The following ZFHX3 variants were observed in gnomAD, a reference collection of about 807,000 sequenced individuals.
ZFHX3 encodes zinc finger homeobox protein 3.
Under a neutral mutation model 279.1 loss-of-function variants are expected in ZFHX3, and 42 were observed. That is an observed-to-expected ratio of 0.15 (90% CI 0.12 to 0.19). The LOEUF (loss-of-function observed/expected upper bound fraction) is 0.19, where lower values mean the gene tolerates loss of function less well. Among genes scored for constraint, ZFHX3 ranks in the 10% least tolerant of loss-of-function variants. ZFHX3 has a pLI of 1.00. For synonymous variants in ZFHX3, 2,293 were observed against 1,957.8 expected, an observed-to-expected ratio of 1.17 and a Z score of -4.52; for missense variants, 4,981 against 4,754.0, an observed-to-expected ratio of 1.05 and a Z score of -1.40.
intron 3 of ZFHX3, among the ~76,000 whole-genome samples, chr16:73,373,113 T>A (rs1322450487): frequency 1.4e-5 from 2 of 141,358 alleles, no homozygotes; most frequent in Non-Finnish European, 3.0e-5. Context: ...CCTGGGGACT[T>A]ATATTTGTGG....
intron 1 of ZFHX3, among the ~76,000 whole-genome samples, chr16:73,730,863 C>G (rs147214063): frequency 8.1e-4 from 124 of 152,298 alleles, no homozygotes; most frequent in African/African-American, 2.8e-3. Context: ...CAGCTCTACA[C>G]AGCCTCACAG....
At chr16:73,321,062 G>T (rs2015565031) in intron 3 of ZFHX3, among the ~76,000 whole-genome samples, 1 of 152,198 alleles carries the variant, frequency 6.6e-6, no homozygotes, top group African/African-American at 2.4e-5. Flanking sequence ...AGAAAAGGGG[G>T]AAGGCACAGT....
Position 72,838,433 on chromosome 16 carries a change from T to G in ZFHX3, c.3449-8574A>C, listed in dbSNP as rs182606405. Among the ~76,000 whole-genome samples, 5 of 152,252 alleles carry G rather than the reference T, an allele frequency of 3.3e-5. No homozygotes were observed. In the East Asian group the frequency reaches 9.7e-4, roughly 29 times the overall value. On this transcript the variant is annotated intron_variant, in intron 4 of 9. Transcript: ENST00000268489. Reference sequence around the variant, plus strand: ...GCCTGGGGGAGCCTCTCCATTTGCCTTTTTACTTTACCTCACCTCCAACTT... The same window carrying G: ...GCCTGGGGGAGCCTCTCCATTTGCCGTTTTACTTTACCTCACCTCCAACTT...
chr16:72,784,967 T>G lies in ZFHX3; in HGVS notation c.*2197A>C, dbSNP rs776388541. 3.3e-5 allele frequency: 5 copies of G among 152,538 alleles called. No individual in the cohort carries two copies. The highest frequency in any genetic ancestry group is 7.2e-5 in the African/African-American group (3 of 41,452). 9.4% of individuals were successfully genotyped at this position (152,538 alleles called of 1,614,324 possible). On this transcript the variant is annotated 3_prime_UTR_variant, in exon 10 of 10. Coordinates refer to ENST00000268489, the MANE Select transcript of ZFHX3 (RefSeq NM_006885.4). ...TTCAGATCTTGGAATGCTCCAGTCT[T>G]TTGCAAAGTCGATGAGTGGCTTCAG... is the stretch of plus-strand genomic sequence containing the variant.
intron 3 of ZFHX3, among the ~76,000 whole-genome samples, chr16:73,349,345 A>G (rs567415292): frequency 7.9e-5 from 12 of 152,278 alleles, no homozygotes; most frequent in African/African-American, 2.2e-4. Context: ...ACCTGATCAG[A>G]AGAATTACCT....
intron 1 of ZFHX3, among the ~76,000 whole-genome samples, chr16:73,045,701 G>T (rs1965270818): frequency 7.1e-6 from 1 of 141,028 alleles, no homozygotes; most frequent in Admixed American, 7.4e-5. Flanking sequence ...GTTAGCAAGT[G>T]TTTCTCAATA....
At chr16:73,270,860 G>T (rs1345607612) in intron 4 of ZFHX3, among the ~76,000 whole-genome samples, 1 of 152,188 alleles carries the variant, frequency 6.6e-6, no homozygotes. Context: ...AGTGTTCTAG[G>T]TATGGAGGGG....
intron 4 of ZFHX3, among the ~76,000 whole-genome samples, chr16:72,832,738 C>T (rs1055642382): frequency 1.3e-5 from 2 of 151,702 alleles, no homozygotes; most frequent in East Asian, 3.9e-4. Context: ...CTACAGGTGT[C>T]GCCCTCCGCA....
intron 8 of ZFHX3, among the ~76,000 whole-genome samples, chr16:73,092,152 G>A (rs990905261): frequency 2.6e-5 from 4 of 152,162 alleles, no homozygotes; most frequent in Admixed American, 6.5e-5. Flanking sequence ...CCAAGAACAC[G>A]CAGCTAGTGC....
chr16:73,718,165 C>T (rs897984490), intron 1 of ZFHX3, among the ~76,000 whole-genome samples: 1 of 152,222 alleles, frequency 6.6e-6, no homozygotes, highest in Non-Finnish European at 1.5e-5. Flanking sequence ...AATCCCAACA[C>T]TTTGGGAAGC....
At chr16:73,170,592 G>T (rs1967498703) in intron 5 of ZFHX3, among the ~76,000 whole-genome samples, 1 of 152,164 alleles carries the variant, frequency 6.6e-6, no homozygotes, top group African/African-American at 2.4e-5. Flanking sequence ...GGCCAGCTGG[G>T]AAGAAGCGGA....
At chr16:73,733,108 A>T (rs200830054) in intron 1 of ZFHX3, among the ~76,000 whole-genome samples, 2 of 152,108 alleles carry the variant, frequency 1.3e-5, no homozygotes, top group East Asian at 1.9e-4. Context: ...TTGAAATAAA[A>T]TTTAAGTTCT....
At chr16:73,798,058 C>T (rs1451372005) in intron 1 of ZFHX3, among the ~76,000 whole-genome samples, 1 of 152,044 alleles carries the variant, frequency 6.6e-6, no homozygotes, top group Non-Finnish European at 1.5e-5. Context: ...ATCCACCTGC[C>T]TTGGCCTCTC....
chr16:73,173,487 G>A (rs986893741), intron 5 of ZFHX3, among the ~76,000 whole-genome samples: 3 of 151,304 alleles, frequency 2.0e-5, no homozygotes, highest in Non-Finnish European at 4.4e-5. Flanking sequence ...ACGTGATGAA[G>A]GATCTGGATT....
chr16:73,396,629 G>A (rs2017134758), intron 3 of ZFHX3, among the ~76,000 whole-genome samples: 1 of 152,180 alleles, frequency 6.6e-6, no homozygotes, highest in African/African-American at 2.4e-5. Flanking sequence ...AGGAGAGAGA[G>A]AGACAGAAGG....
At chr16:73,666,385 G>A (rs2052842743) in intron 2 of ZFHX3, among the ~76,000 whole-genome samples, 1 of 151,814 alleles carries the variant, frequency 6.6e-6, no homozygotes, top group African/African-American at 2.4e-5. Flanking sequence ...AAATGTTTGT[G>A]TTTCAGAGAG....
intron 1 of ZFHX3, among the ~76,000 whole-genome samples, chr16:73,883,429 A>C (rs552114329): frequency 1.4e-5 from 2 of 138,042 alleles, no homozygotes; most frequent in Admixed American, 1.4e-4. Context: ...GTGTGTGTGT[A>C]TATGAATATG....
chr16:73,880,269 G>A (rs2030100434), intron 1 of ZFHX3, among the ~76,000 whole-genome samples: 1 of 152,164 alleles, frequency 6.6e-6, no homozygotes. Context: ...TTTAGATGGG[G>A]GATGGGAGAG....
chr16:73,218,295 G>T (rs2012285209), intron 5 of ZFHX3, among the ~76,000 whole-genome samples: 1 of 152,148 alleles, frequency 6.6e-6, no homozygotes, highest in Non-Finnish European at 1.5e-5. Flanking sequence ...AAAAGAAATT[G>T]TAGTCTTAAA....
Sources: allele counts gnomAD v4.1 joint callset (sites outside exome capture counted in the v4.1 genomes callset), GRCh38; gene constraint gnomAD v4.1.1; transcripts MANE v1.5; gene names NCBI Gene and HGNC (gene_info 2026-07-23, HGNC 2026-07-21).